PLA2G4A: variants seen among roughly 807,000 people sequenced by gnomAD.
The protein encoded by PLA2G4A is phospholipase A2 group IVA, also known as cytosolic phospholipase A2.
A neutral mutation model predicts 81.9 loss-of-function variants in PLA2G4A; 40 were observed. The ratio of observed to expected loss-of-function variants is 0.49; its 90% CI spans 0.38 to 0.64. PLA2G4A has a LOEUF of 0.64. PLA2G4A is among the 30% of genes least tolerant of loss of function. PLA2G4A has a pLI of 0.00. For synonymous variants in PLA2G4A, 302 were observed against 296.9 expected (o/e 1.02, Z -0.18); for missense variants, 715 against 905.1 (o/e 0.79, Z 2.69).
At chr1:186,934,626 T>C (rs1180329551) in intron 8 of PLA2G4A, among the ~76,000 whole-genome samples, 1 of 151,770 alleles carries the variant, frequency 6.6e-6, no homozygotes, top group Non-Finnish European at 1.5e-5. Context: ...TTTTACCTTT[T>C]TATTTCATTT....
chr1:186,959,309 A>C (rs2102263343), intron 14 of PLA2G4A, among the ~76,000 whole-genome samples: 1 of 150,584 alleles, frequency 6.6e-6, no homozygotes, highest in African/African-American at 2.4e-5. Flanking sequence ...CCTTTGAAAG[A>C]AGAGTTATAG....
At chr1:186,892,757 A>T (rs1654190828) in intron 3 of PLA2G4A, among the ~76,000 whole-genome samples, 1 of 152,214 alleles carries the variant, frequency 6.6e-6, no homozygotes, top group African/African-American at 2.4e-5. Flanking sequence ...TCCTCTCTAG[A>T]TAGATGGAGG....
intron 1 of PLA2G4A, among the ~76,000 whole-genome samples, chr1:186,834,754 T>C (rs1361481077): frequency 6.6e-6 from 1 of 152,216 alleles, no homozygotes; most frequent in Non-Finnish European, 1.5e-5. Flanking sequence ...TAAAAAGTGC[T>C]GATTTTGCCA....
intron 2 of PLA2G4A, among the ~76,000 whole-genome samples, chr1:186,864,431 G>A (rs1379025488): frequency 6.6e-6 from 1 of 151,718 alleles, no homozygotes; most frequent in African/African-American, 2.4e-5. Context: ...GTGTATAAAT[G>A]TTTCTCTTTC....
At chr1:186,894,947 G>T (rs10752983) in intron 5 of PLA2G4A, among the ~76,000 whole-genome samples, 55,979 of 151,966 alleles carry the variant, frequency 0.37, 12,088 homozygotes, top group Non-Finnish European at 0.48. Context: ...CTAATTTCTT[G>T]TTGTTGGGAG....
In PLA2G4A at chr1:186,932,789, A is replaced by G. The variant is rs1179466525; in HGVS notation, c.585A>G (p.Ser195=). 1 of 1,613,614 alleles carries G rather than the reference A, an allele frequency of 6.2e-7. No individual in the cohort carries two copies. Among genetic ancestry groups the G allele is most frequent in the South Asian group, 1.1e-5 (1 of 91,074 alleles). ...RDVPVVAILG[S]GGGFRAMVGF... The stretch of plus-strand genomic sequence containing the variant: ...TGCCTGTGGTAGCCATATTGGGTTC[A>G]GGTGGGGGTTTCCGAGCCATGGTGG... The change falls in exon 8 of 18, where the codon TCA becomes TCG. Residue 195 remains serine (S), a synonymous_variant. Coordinates refer to ENST00000367466, the MANE Select transcript of PLA2G4A (RefSeq NM_024420.3).
chr1:186,872,625 T>A (rs1653322179), intron 3 of PLA2G4A, among the ~76,000 whole-genome samples: 7 of 152,070 alleles, frequency 4.6e-5, no homozygotes. Flanking sequence ...TGAGTCTCTT[T>A]CAACTGGTGT....
Position 186,830,993 on chromosome 1 carries a change from T to G in PLA2G4A, c.-70+1958T>G, listed in dbSNP as rs545536120. 2.6e-3 allele frequency among the ~76,000 whole-genome samples: 372 copies of G among 143,594 alleles called. 1 individual carries two copies. Among genetic ancestry groups the G allele is most frequent in the African/African-American group, 8.8e-3 (346 of 39,438 alleles). 94.2% of individuals were successfully genotyped at this position (143,594 alleles called of 152,430 possible). Reference sequence around the variant, plus strand: ...TTCTTTCTTTCTTTCTTTCTTTCTTTCTTTCTTTCTTTCTTTCTTTCTTTC... The same window carrying G: ...TTCTTTCTTTCTTTCTTTCTTTCTTGCTTTCTTTCTTTCTTTCTTTCTTTC... On this transcript the variant is annotated intron_variant, in intron 1 of 17. Transcript: ENST00000367466.
intron 3 of PLA2G4A, among the ~76,000 whole-genome samples, chr1:186,886,559 G>A (rs1165059144): frequency 2.6e-5 from 4 of 152,110 alleles, no homozygotes; most frequent in South Asian, 2.1e-4. Flanking sequence ...GAGGCATTTC[G>A]TTCAACAAAT....
intron 17 of PLA2G4A, among the ~76,000 whole-genome samples, chr1:186,985,657 T>A (rs1657869240): frequency 6.6e-6 from 1 of 152,184 alleles, no homozygotes; most frequent in Non-Finnish European, 1.5e-5. Context: ...GTTTTTCTTA[T>A]TCTCTGCTTT....
intron 8 of PLA2G4A, among the ~76,000 whole-genome samples, chr1:186,933,605 A>G (rs1327072938): frequency 6.6e-6 from 1 of 152,168 alleles, no homozygotes; most frequent in Non-Finnish European, 1.5e-5. Flanking sequence ...GTCTCAAATA[A>G]GAGTATCATC....
At chr1:186,883,846 G>A in intron 3 of PLA2G4A, among the ~76,000 whole-genome samples, 1 of 152,144 alleles carries the variant, frequency 6.6e-6, no homozygotes, top group South Asian at 2.1e-4. Flanking sequence ...ACAGAAGAAG[G>A]CAGAGGACAG....
intron 1 of PLA2G4A, among the ~76,000 whole-genome samples, chr1:186,831,673 T>C (rs1651596378): frequency 6.6e-6 from 1 of 152,154 alleles, no homozygotes; most frequent in African/African-American, 2.4e-5. Context: ...TAAAATTTCA[T>C]TAAATATAGA....
At chr1:186,968,207 GT>G (rs1284044299) in intron 15 of PLA2G4A, among the ~76,000 whole-genome samples, 1 of 152,010 alleles carries the variant, frequency 6.6e-6, no homozygotes, top group Non-Finnish European at 1.5e-5. Flanking sequence ...GTTGGAGGAG[GT>G]TTTGGAATAT....
chr1:186,920,639 A>G (rs996882603), intron 7 of PLA2G4A, among the ~76,000 whole-genome samples: 2 of 152,250 alleles, frequency 1.3e-5, no homozygotes, highest in East Asian at 3.9e-4. Flanking sequence ...TTATCTTTCC[A>G]ATGTCCTATT....
intron 1 of PLA2G4A, among the ~76,000 whole-genome samples, chr1:186,846,341 T>C (rs1423272751): frequency 2.0e-5 from 3 of 152,210 alleles, no homozygotes; most frequent in Non-Finnish European, 2.9e-5. Flanking sequence ...AGTAATTTCT[T>C]CATAGGAGGT....
At chr1:186,910,672 T>C (rs1341855552) in intron 6 of PLA2G4A, among the ~76,000 whole-genome samples, 1 of 152,168 alleles carries the variant, frequency 6.6e-6, no homozygotes, top group Non-Finnish European at 1.5e-5. Flanking sequence ...TATATATAAT[T>C]TAAGGGTTCT....
At chr1:186,848,443 G>C (rs114434540) in intron 1 of PLA2G4A, among the ~76,000 whole-genome samples, 1 of 152,116 alleles carries the variant, frequency 6.6e-6, no homozygotes, top group Non-Finnish European at 1.5e-5. Flanking sequence ...CCTGCAACAA[G>C]CTCTACCTTG....
chr1:186,934,461 T>TATATATATATATATATATATATAC (rs1553216883), intron 8 of PLA2G4A, among the ~76,000 whole-genome samples: 1 of 137,688 alleles, frequency 7.3e-6, no homozygotes, highest in Non-Finnish European at 1.6e-5. Context: ...TATATATATA[T>TATATATATATATATATATATATAC]ATACATACAC....
Sources: gnomAD v4.1 joint callset for allele counts (sites outside exome capture counted in the v4.1 genomes callset) on GRCh38, gnomAD v4.1.1 for gene constraint, MANE v1.5 for transcripts, NCBI Gene and HGNC (gene_info 2026-07-23, HGNC 2026-07-21) for gene names.